The following DDI2 variants were observed in gnomAD, a reference collection of about 807,000 sequenced individuals.
DDI2 encodes the protein DDI proteasomal shuttling factor 2, also known as protein DDI1 homolog 2.
A neutral mutation model predicts 48.1 loss-of-function variants in DDI2; 5 were observed. The observed-to-expected ratio is 0.10, with a 90% CI of 0.05 to 0.22. The LOEUF (loss-of-function observed/expected upper bound fraction) is 0.22, where lower values mean the gene tolerates loss of function less well. Ranked by LOEUF, DDI2 falls within the 10% of genes least tolerant of loss-of-function variation. The pLI is 1.00. For missense variants in DDI2, 285 were observed against 506.2 expected (o/e 0.56, Z 4.19); for synonymous variants, 205 against 183.6 (o/e 1.12, Z -0.94).
Position 15,640,880 on chromosome 1 carries a change from A to G in DDI2, c.760+2446A>G, listed in dbSNP as rs970589096. Reference sequence around the variant, plus strand: ...AGAGGCGAGGTCATTGCAAAAGGGCAGTCAGTTAGGGAGGAAGTGGGTCTT... The same window carrying G: ...AGAGGCGAGGTCATTGCAAAAGGGCGGTCAGTTAGGGAGGAAGTGGGTCTT... On this transcript the variant is annotated intron_variant, in intron 5 of 9. Coordinates refer to ENST00000480945, the MANE Select transcript of DDI2 (RefSeq NM_032341.5). Among the ~76,000 whole-genome samples the G allele has an allele frequency of 2.6e-5, 4 of 152,304 alleles. No individual in the cohort carries two copies. The East Asian group carries it at 5.8e-4, about 22-fold the overall frequency.
At chr1:15,633,727 C>T in intron 4 of DDI2, 162 bp downstream of exon 4, 1 of 1,048,512 alleles carries the variant, frequency 9.5e-7, no homozygotes, top group Admixed American at 1.8e-5. Flanking sequence ...CTTTCATTTT[C>T]TATGCATTTC....
At chr1:15,652,320 A>T (rs1185552988) in intron 8 of DDI2, among the ~76,000 whole-genome samples, 1 of 151,230 alleles carries the variant, frequency 6.6e-6, no homozygotes, top group African/African-American at 2.4e-5. Flanking sequence ...GGCCTCCCGA[A>T]GTGCTGGGAT....
At chr1:15,626,365 G>C (rs1476351654) in intron 1 of DDI2, among the ~76,000 whole-genome samples, 2 of 152,226 alleles carry the variant, frequency 1.3e-5, no homozygotes, top group East Asian at 3.8e-4. Context: ...GGAAAAAAAT[G>C]AGTGGAAAAA....
chr1:15,651,729 T>C lies in DDI2; in HGVS notation c.1017T>C (p.Asn339=), dbSNP rs1176388160. The part of the protein sequence containing the change: ...RHQCSIDLKK[N]VLVIGTTGSQ... ...AGTGTTCCATCGACCTGAAGAAAAA[T>C]GTACTCGTGATCGGCACCACAGGCT... The change falls in exon 8 of 10, where the codon AAT becomes AAC. Residue 339 remains asparagine (N), a synonymous_variant. Transcript: ENST00000480945. The C allele has an allele frequency of 6.2e-7, 1 of 1,609,446 alleles. No homozygotes were observed. Among genetic ancestry groups the C allele is most frequent in the African/African-American group, 1.3e-5 (1 of 74,738 alleles).
At chr1:15,619,442 A>T (rs1639620493) in intron 1 of DDI2, among the ~76,000 whole-genome samples, 1 of 145,834 alleles carries the variant, frequency 6.9e-6, no homozygotes, top group African/African-American at 2.5e-5. Flanking sequence ...TCAATTTTTG[A>T]TAGTGGCTTT....
chr1:15,627,865 A>T (rs1467774711), intron 2 of DDI2, among the ~76,000 whole-genome samples: 2 of 152,198 alleles, frequency 1.3e-5, no homozygotes, highest in African/African-American at 4.8e-5. Context: ...TGAAACTGGA[A>T]CTTACTGAGA....
At chr1:15,632,562 T>G (rs1014521987) in intron 3 of DDI2, among the ~76,000 whole-genome samples, 1 of 152,172 alleles carries the variant, frequency 6.6e-6, no homozygotes, top group Non-Finnish European at 1.5e-5. Context: ...AAATAGGTTC[T>G]TGTTGTAACA....
At chr1:15,638,455 TTC>T in intron 5 of DDI2, 21 bp downstream of exon 5, 5 of 1,612,646 alleles carry the variant, frequency 3.1e-6, no homozygotes, top group Non-Finnish European at 4.2e-6. Context: ...TGTCTTTTAT[TTC>T]TTGGTCTCCC....
intron 3 of DDI2, among the ~76,000 whole-genome samples, chr1:15,633,146 C>T (rs1639873723): frequency 2.0e-5 from 3 of 151,928 alleles, no homozygotes; most frequent in Admixed American, 2.0e-4. Flanking sequence ...CCAGGCTGGT[C>T]TCGAACTCCT....
chr1:15,617,724 C>A lies in DDI2; in HGVS notation c.54C>A (p.Ser18=), dbSNP rs747862615. 4 of 1,610,754 alleles carry A rather than the reference C, an allele frequency of 2.5e-6. No individual in the cohort carries two copies. The highest frequency in any genetic ancestry group is 3.3e-4 in the Middle Eastern group (2 of 6,078). ...VRRDLSEVTF[S]LQVDADFELH... ...GGGACCTCTCCGAGGTGACCTTTTC[C>A]CTCCAGGTCGACGCCGACTTCGAGC... Residue 18 remains serine, a synonymous_variant, in exon 1 of 10, where the codon TCC becomes TCA. Coordinates refer to ENST00000480945, the MANE Select transcript of DDI2 (RefSeq NM_032341.5).
chr1:15,644,169 A>G (rs1231466220), intron 6 of DDI2, among the ~76,000 whole-genome samples: 1 of 152,120 alleles, frequency 6.6e-6, no homozygotes, highest in Non-Finnish European at 1.5e-5. Context: ...TAGCCTCTAC[A>G]TTTCATCCTA....
chr1:15,622,567 T>C (rs1407060375), intron 1 of DDI2, among the ~76,000 whole-genome samples: 1 of 152,204 alleles, frequency 6.6e-6, no homozygotes, highest in Non-Finnish European at 1.5e-5. Flanking sequence ...CATTTTCTTG[T>C]TGTATGTTCT....
intron 5 of DDI2, among the ~76,000 whole-genome samples, chr1:15,639,699 A>G (rs1041104189): frequency 2.0e-5 from 3 of 152,022 alleles, no homozygotes; most frequent in African/African-American, 7.3e-5. Flanking sequence ...CCTGGCCTCA[A>G]CTCTCATTAA....
rs1640458184 is a variant in DDI2, at chr1:15,666,694, G to A, written c.*6904G>A. On this transcript the variant is annotated 3_prime_UTR_variant, in exon 10 of 10. Transcript: ENST00000480945. ...GCACAGGTGAACTCTGGGGATTCAG[G>A]GGTAACTAAAACAGATTGGAACCCT... The A allele has an allele frequency of 6.6e-6, 1 of 152,192 alleles. No homozygotes were observed. The highest frequency in any genetic ancestry group is 6.5e-5 in the Admixed American group (1 of 15,280). The allele number at this position is 152,192 out of a possible 1,614,324, so 9.4% of individuals were successfully genotyped here. A position where few individuals can be genotyped will look rare whatever the true frequency, so the allele number is the denominator to read the frequency against.
At position 15,626,937 on chromosome 1, in the gene DDI2, C is replaced by A; in HGVS notation, c.268+139C>A. ...ACTCTGCCTTTTCCCTGCCGTGTAA[C>A]CTTGAACAAGTATTTTAATGTCTCT... On this transcript the variant is annotated intron_variant, in intron 2 of 9. Transcript: ENST00000480945. The A allele has an allele frequency of 4.6e-6, 5 of 1,088,776 alleles. No homozygotes were observed. The South Asian group carries it at 6.5e-5, about 14-fold the overall frequency. 67.4% of individuals were successfully genotyped at this position (1,088,776 alleles called of 1,614,324 possible).
intron 1 of DDI2, among the ~76,000 whole-genome samples, chr1:15,623,557 C>CTTCTTCTTCTTCTTA (rs753665023): frequency 1.2e-5 from 1 of 84,064 alleles, no homozygotes; most frequent in African/African-American, 4.4e-5. Flanking sequence ...CCATGCCTGG[C>CTTCTTCTTCTTCTTA]TTATTATTAT....
intron 2 of DDI2, 147 bp from the exon 3 acceptor site, chr1:15,630,176 CAG>C (rs1639820275): frequency 4.1e-6 from 3 of 736,478 alleles, no homozygotes; most frequent in South Asian, 3.5e-5. Flanking sequence ...TCTTTATATT[CAG>C]AGTCATCATG....
chr1:15,655,709 C>G (rs1042598977), intron 8 of DDI2, among the ~76,000 whole-genome samples: 6 of 149,298 alleles, frequency 4.0e-5, no homozygotes, highest in African/African-American at 1.5e-4. Context: ...GCCAAGATTG[C>G]ACCACTGCAC....
At position 15,660,518 on chromosome 1, in the gene DDI2, A is replaced by C. The variant is rs896791929; in HGVS notation, c.*728A>C. On this transcript the variant is annotated 3_prime_UTR_variant, in exon 10 of 10. Transcript: ENST00000480945. ...ATTGTTGATTTGGAAGCTACGATGA[A>C]AGGAAATGGGCTCCCACAGAATGTG... 6 of 1,613,540 alleles carry C rather than the reference A, an allele frequency of 3.7e-6. No homozygotes were observed. Among genetic ancestry groups the C allele is most frequent in the Middle Eastern group, 1.6e-4 (1 of 6,080 alleles).
Sources: gnomAD v4.1 joint callset for allele counts (sites outside exome capture counted in the v4.1 genomes callset) on GRCh38, gnomAD v4.1.1 for gene constraint, MANE v1.5 for transcripts, NCBI Gene and HGNC (gene_info 2026-07-23, HGNC 2026-07-21) for gene names.